The following GMNC variants were observed in gnomAD, a reference collection of about 807,000 sequenced individuals.
GMNC encodes the protein geminin coiled-coil domain-containing protein 1.
GMNC carries 16 observed loss-of-function variants against 33.6 expected under a neutral mutation model. The ratio of observed to expected loss-of-function variants is 0.48; its 90% CI spans 0.32 to 0.72. GMNC has a LOEUF of 0.72. Ranked by LOEUF, GMNC falls within the 30% of genes least tolerant of loss-of-function variation. GMNC has a pLI of 0.03. For missense variants in GMNC, 393 were observed against 388.9 expected (o/e 1.01, Z -0.09); for synonymous variants, 156 against 147.3 (o/e 1.06, Z -0.43).
rs1560038801 is a variant in GMNC at position 190,861,480 on chromosome 3, AT to A, written c.4-623del. ...CATCTATCTATCTATCTATCTATCTATCTATCTATCTATCTATCTATCTATC... is the reference window on the plus strand; with the variant it reads ...CATCTATCTATCTATCTATCTATCTACTATCTATCTATCTATCTATCTATC... On this transcript the variant is annotated intron_variant, in intron 1 of 4. Coordinates refer to ENST00000442080, the MANE Select transcript of GMNC (RefSeq NM_001146686.3). The surrounding 1 kb of genome is among the most constrained non-coding windows in gnomAD (Gnocchi z 5.1). 6.6e-6 allele frequency among the ~76,000 whole-genome samples: 1 copy of A among 151,552 alleles called. No homozygotes were observed. The highest frequency in any genetic ancestry group is 1.5e-5 in the Non-Finnish European group (1 of 67,834).
chr3:190,846,070 A>C, the GMNC span, among the ~76,000 whole-genome samples: 1 of 152,098 alleles, frequency 6.6e-6, no homozygotes, highest in South Asian at 2.1e-4. Flanking sequence ...CTTACCAAAA[A>C]TACACAAATT....
downstream of GMNC, among the ~76,000 whole-genome samples, chr3:190,847,900 T>C (rs1328874693): frequency 6.6e-6 from 1 of 152,182 alleles, no homozygotes; most frequent in Non-Finnish European, 1.5e-5. Context: ...TACAGAAATA[T>C]AGGAATATCA....
downstream of GMNC, among the ~76,000 whole-genome samples, chr3:190,849,945 A>T (rs78438142): frequency 6.6e-6 from 1 of 152,202 alleles, no homozygotes; most frequent in Non-Finnish European, 1.5e-5. Context: ...TTTCATAAGG[A>T]TCATTTATAC....
chr3:190,859,748 G>T, intron 2 of GMNC: 1 of 425,502 alleles, frequency 2.4e-6, no homozygotes, highest in Admixed American at 2.7e-5. Flanking sequence ...TACTAACCAG[G>T]TCTACTTTTA....
At chr3:190,847,791 G>T (rs909911982), downstream of GMNC, among the ~76,000 whole-genome samples, 1 of 152,166 alleles carries the variant, frequency 6.6e-6, no homozygotes, top group Non-Finnish European at 1.5e-5. Flanking sequence ...GGAGGGTTAG[G>T]ATAGGCTCTT....
Position 190,855,541 on chromosome 3 carries a change from C to A in GMNC, c.759G>T (p.Leu253Phe). 6.4e-7 allele frequency: 1 copy of A among 1,551,598 alleles called. No homozygotes were observed. The highest frequency in any genetic ancestry group is 1.7e-4 in the Middle Eastern group (1 of 5,992). The change falls in exon 5 of 5, where the codon TTG becomes TTT. Residue 253 changes from leucine to phenylalanine, a missense_variant. Physicochemically the swap from Leu to Phe is conservative, Grantham distance 22 (BLOSUM62 0). Coordinates refer to ENST00000442080, the MANE Select transcript of GMNC (RefSeq NM_001146686.3). ...IDYRGDRTTP[L>F]HSTATHGEDF... Reference sequence around the variant, plus strand: ...CTTCTCCATGAGTGGCAGTGCTGTGCAAGGGGGTTGTTCTGTCACCTCTAT... The same window carrying A: ...CTTCTCCATGAGTGGCAGTGCTGTGAAAGGGGGTTGTTCTGTCACCTCTAT...
intron 4 of GMNC, among the ~76,000 whole-genome samples, chr3:190,857,386 G>A (rs565852467): frequency 6.6e-6 from 1 of 152,152 alleles, no homozygotes; most frequent in South Asian, 2.1e-4. Context: ...TACAGATGAA[G>A]TTAAGTGAGG....
chr3:190,852,212 G>A (rs763995230), downstream of GMNC, among the ~76,000 whole-genome samples: 3 of 151,982 alleles, frequency 2.0e-5, no homozygotes, highest in Non-Finnish European at 2.9e-5. Context: ...ATATATTAAC[G>A]CTATACTTTT....
At chr3:190,851,645 C>A (rs1737634917), downstream of GMNC, among the ~76,000 whole-genome samples, 1 of 152,138 alleles carries the variant, frequency 6.6e-6, no homozygotes, top group African/African-American at 2.4e-5. Flanking sequence ...TGAATAAATA[C>A]CTCCATTATT....
At chr3:190,844,132 G>A in the GMNC span, among the ~76,000 whole-genome samples, 2 of 151,966 alleles carry the variant, frequency 1.3e-5, no homozygotes, top group African/African-American at 2.4e-5. Flanking sequence ...TCCACTGCAC[G>A]TATTTGACAA....
chr3:190,855,084 C>T lies in GMNC; in HGVS notation c.*211G>A, dbSNP rs1354557941. 3 of 568,160 alleles carry T rather than the reference C, an allele frequency of 5.3e-6. No homozygotes were observed. Among genetic ancestry groups the T allele is most frequent in the Admixed American group, 3.1e-5 (1 of 32,780 alleles). 35.2% of individuals were successfully genotyped at this position (568,160 alleles called of 1,614,324 possible). A position where few individuals can be genotyped will look rare whatever the true frequency, so the allele number is the denominator to read the frequency against. Reference sequence around the variant, plus strand: ...AGCAGGTATTGGTGTGTAAACAAGTCAAATTTAGGTAAAAGAAGCGCGGAC... The same window carrying T: ...AGCAGGTATTGGTGTGTAAACAAGTTAAATTTAGGTAAAAGAAGCGCGGAC... On this transcript the variant is annotated 3_prime_UTR_variant, in exon 5 of 5. Transcript: ENST00000442080.
chr3:190,855,221 T>C lies in GMNC; in HGVS notation c.*74A>G, dbSNP rs186044056. 2.4e-3 allele frequency: 3,462 copies of C among 1,417,712 alleles called. 3 individuals carry two copies. Among genetic ancestry groups the C allele is most frequent in the Admixed American group, 3.0e-3 (136 of 45,430 alleles). 87.8% of individuals were successfully genotyped at this position (1,417,712 alleles called of 1,614,324 possible). ...TAAGCAACAGCTTCTGTGTTCCACA[T>C]AGTCAAATTCAAGTGCAAGAGAGGT... On this transcript the variant is annotated 3_prime_UTR_variant, in exon 5 of 5. Transcript: ENST00000442080.
At chr3:190,851,721 A>G (rs1249774591), downstream of GMNC, among the ~76,000 whole-genome samples, 1 of 152,132 alleles carries the variant, frequency 6.6e-6, no homozygotes, top group African/African-American at 2.4e-5. Flanking sequence ...AAATTTACAG[A>G]ATAAATGGGT....
chr3:190,862,155 T>A lies in GMNC; in HGVS notation c.3+458A>T, dbSNP rs911924009. Among the ~76,000 whole-genome samples the A allele has an allele frequency of 6.6e-6, 1 of 152,228 alleles. No homozygotes were observed. The highest frequency in any genetic ancestry group is 6.5e-5 in the Admixed American group (1 of 15,280). ...TTTGCAGACTCTTTCCCTGAGGTTT[T>A]TTATTTTTTATTTTATTTTTTGGAA... On this transcript the variant is annotated intron_variant, in intron 1 of 4. Coordinates refer to ENST00000442080, the MANE Select transcript of GMNC (RefSeq NM_001146686.3). The surrounding 1 kb of genome is among the most constrained non-coding windows in gnomAD (Gnocchi z 4.5).
At chr3:190,857,589 T>A (rs2108531815) in intron 4 of GMNC, among the ~76,000 whole-genome samples, 194 bp downstream of exon 4, 1 of 152,266 alleles carries the variant, frequency 6.6e-6, no homozygotes, top group East Asian at 1.9e-4. Flanking sequence ...AAGACTGACA[T>A]CTGCAATCTA....
At chr3:190,860,631 G>T in intron 2 of GMNC, 53 bp downstream of exon 2, 1 of 1,454,952 alleles carries the variant, frequency 6.9e-7, no homozygotes, top group South Asian at 1.4e-5. Flanking sequence ...CCGCAGCCAC[G>T]GGTATGGAAA....
At chr3:190,859,241 AT>A (rs888151461) in intron 2 of GMNC, among the ~76,000 whole-genome samples, 3 of 152,108 alleles carry the variant, frequency 2.0e-5, no homozygotes, top group African/African-American at 7.2e-5. Context: ...AAAAAGGTAA[AT>A]TTTTTTAAGC....
the GMNC span, among the ~76,000 whole-genome samples, chr3:190,843,782 A>C: frequency 6.6e-6 from 1 of 152,172 alleles, no homozygotes. Flanking sequence ...TGCATTTCCT[A>C]CAGCAATGTA....
chr3:190,855,502 A>C lies in GMNC; in HGVS notation c.798T>G (p.Leu266=). The C allele has an allele frequency of 6.4e-7, 1 of 1,551,766 alleles. No homozygotes were observed. The highest frequency in any genetic ancestry group is 8.7e-7 in the Non-Finnish European group (1 of 1,146,940). ...CCACTGGGGGATTTGAAAGTTGAGAAAGGATGTGGAAATCTTCTCCATGAG... is the reference window on the plus strand; with the variant it reads ...CCACTGGGGGATTTGAAAGTTGAGACAGGATGTGGAAATCTTCTCCATGAG... ...TATHGEDFHI[L]SQLSNPPVGL... The change falls in exon 5 of 5, where the codon CTT becomes CTG. Residue 266 remains leucine (L), a synonymous_variant. Coordinates refer to ENST00000442080, the MANE Select transcript of GMNC (RefSeq NM_001146686.3).
Sources: gnomAD v4.1 joint callset for allele counts (sites outside exome capture counted in the v4.1 genomes callset) on GRCh38, gnomAD v4.1.1 for gene constraint, Gnocchi (gnomAD v3.1) non-coding constraint, MANE v1.5 for transcripts, NCBI Gene and HGNC (gene_info 2026-07-23, HGNC 2026-07-21) for gene names.